BPIFC: variants seen among roughly 807,000 people sequenced by gnomAD.
BPIFC encodes the protein BPI fold-containing family C protein.
A neutral mutation model predicts 57.6 loss-of-function variants in BPIFC; 60 were observed. That is an observed-to-expected ratio of 1.04 (90% CI 0.85 to 1.29). BPIFC has a LOEUF of 1.29. Ranked by LOEUF, BPIFC falls within the 50% of genes most tolerant of loss-of-function variation. The pLI, the probability that BPIFC is intolerant of heterozygous loss-of-function variation, is 0.00. For synonymous variants in BPIFC, 243 were observed against 224.5 expected, an observed-to-expected ratio of 1.08 and a Z score of -0.74; for missense variants, 581 against 600.5, an observed-to-expected ratio of 0.97 and a Z score of 0.34.
intron 13 of BPIFC, among the ~76,000 whole-genome samples, chr22:32,426,174 G>T (rs1057338213): frequency 9.9e-5 from 15 of 152,210 alleles, no homozygotes; most frequent in African/African-American, 3.4e-4. Context: ...AGGCCATGTT[G>T]TTCTGGGGAG....
chr22:32,457,868 A>G (rs1771369847), intron 2 of BPIFC, among the ~76,000 whole-genome samples: 1 of 152,072 alleles, frequency 6.6e-6, no homozygotes, highest in South Asian at 2.1e-4. Context: ...GTCCATTAGA[A>G]CATCTGATAC....
chr22:32,447,216 G>A lies in BPIFC; in HGVS notation c.370C>T (p.Leu124Phe). The A allele has an allele frequency of 1.9e-6, 3 of 1,599,428 alleles. No individual in the cohort carries two copies. The highest frequency in any genetic ancestry group is 2.6e-6 in the Non-Finnish European group (3 of 1,173,510). The change falls in exon 5 of 17, where the codon CTT becomes TTT. Residue 124 changes from leucine (L) to phenylalanine (F), a missense_variant. By Grantham distance (22) the Leu-to-Phe change is conservative. Coordinates refer to ENST00000300399, the MANE Select transcript of BPIFC (RefSeq NM_174932.3). ...ACATTTCAGTGGAATACTCACAAAA[G>A]TGGAGACTCGAACCCCCAGTCTGTG... ...ISTDWGFESP[L>F]FQDTGGADLF... is the part of the protein sequence containing the mutation.
At chr22:32,424,639 CTTCTCTTCTTCT>C (rs1569447912) in intron 13 of BPIFC, among the ~76,000 whole-genome samples, 3 of 54,612 alleles carry the variant, frequency 5.5e-5, no homozygotes, top group East Asian at 1.3e-3. Context: ...TCTTCTTCTT[CTTCTCTTCTTCT>C]TCTTCTTCTT....
intron 3 of BPIFC, among the ~76,000 whole-genome samples, chr22:32,454,627 T>C (rs1235054420): frequency 6.6e-6 from 1 of 152,222 alleles, no homozygotes; most frequent in Non-Finnish European, 1.5e-5. Context: ...CTTTATCCCC[T>C]TATTTTGCAG....
chr22:32,461,948 C>T (rs571637812), intron 1 of BPIFC, among the ~76,000 whole-genome samples: 30 of 151,834 alleles, frequency 2.0e-4, no homozygotes, highest in Non-Finnish European at 3.7e-4. Context: ...CCAAGGTGGG[C>T]GGATCATGAG....
Position 32,457,403 on chromosome 22 carries a change from G to A in BPIFC, c.1-17C>T. On this transcript the variant is annotated splice_polypyrimidine_tract_variant and intron_variant, in intron 2 of 16. Transcript: ENST00000300399. ...TGTACACATCTGAAATTAACCAACA[G>A]TTAAGGTTCCTTTATTATTCTTGAC... 1 of 1,599,038 alleles carries A rather than the reference G, an allele frequency of 6.3e-7. No individual in the cohort carries two copies. Among genetic ancestry groups the A allele is most frequent in the Non-Finnish European group, 8.5e-7 (1 of 1,175,930 alleles).
intron 4 of BPIFC, among the ~76,000 whole-genome samples, 176 bp from the exon 5 acceptor site, chr22:32,447,516 A>C (rs1934763707): frequency 6.6e-6 from 1 of 152,094 alleles, no homozygotes; most frequent in South Asian, 2.1e-4. Flanking sequence ...AATTCTCCTC[A>C]AACTCTTACC....
intron 13 of BPIFC, among the ~76,000 whole-genome samples, chr22:32,429,641 C>T (rs1408585222): frequency 1.3e-5 from 2 of 151,294 alleles, no homozygotes; most frequent in Admixed American, 6.6e-5. Context: ...CTCAGGCTCC[C>T]GAGTAGCTGG....
intron 8 of BPIFC, among the ~76,000 whole-genome samples, chr22:32,438,817 C>CT (rs548028434): frequency 0.012 from 1,719 of 146,966 alleles, 31 homozygotes; most frequent in African/African-American, 0.039. Context: ...GCAGTTAGAA[C>CT]TTTTTTTTTT....
intron 3 of BPIFC, among the ~76,000 whole-genome samples, chr22:32,454,634 G>A (rs1951577711): frequency 6.6e-6 from 1 of 152,100 alleles, no homozygotes; most frequent in African/African-American, 2.4e-5. Flanking sequence ...CCCTTATTTT[G>A]CAGTTTAAGT....
At chr22:32,433,681 C>A (rs773222403) in intron 11 of BPIFC, 38 bp downstream of exon 11, 3 of 1,591,628 alleles carry the variant, frequency 1.9e-6, no homozygotes, top group Non-Finnish European at 2.6e-6. Context: ...TGCAATGGAG[C>A]CAAATACACT....
At chr22:32,428,912 AT>A (rs2145924659) in intron 13 of BPIFC, among the ~76,000 whole-genome samples, 1 of 152,274 alleles carries the variant, frequency 6.6e-6, no homozygotes, top group East Asian at 1.9e-4. Context: ...AAAAAACAAA[AT>A]TATATTCCCT....
chr22:32,428,423 C>G (rs564952746), intron 13 of BPIFC, among the ~76,000 whole-genome samples: 1 of 152,016 alleles, frequency 6.6e-6, no homozygotes, highest in African/African-American at 2.4e-5. Context: ...TGTGTGCCAC[C>G]CTGCCCGGCC....
At chr22:32,463,631 C>T (rs73884922) in intron 1 of BPIFC, among the ~76,000 whole-genome samples, 4,235 of 152,122 alleles carry the variant, frequency 0.028, 205 homozygotes, top group African/African-American at 0.098. Flanking sequence ...AAAACAGAGG[C>T]GCAGGTTGAA....
At chr22:32,463,307 G>A (rs531493020) in intron 1 of BPIFC, among the ~76,000 whole-genome samples, 1 of 152,274 alleles carries the variant, frequency 6.6e-6, no homozygotes, top group Admixed American at 6.5e-5. Flanking sequence ...CTAGTTGCCT[G>A]TTAAAAGGAT....
chr22:32,457,729 A>T (rs1384070572), intron 2 of BPIFC, among the ~76,000 whole-genome samples: 1 of 152,182 alleles, frequency 6.6e-6, no homozygotes, highest in Non-Finnish European at 1.5e-5. Context: ...ACAGACTAGT[A>T]GTGAATATGC....
At position 32,435,898 on chromosome 22, in the gene BPIFC, G is replaced by A. The variant is rs375362691; in HGVS notation, c.748-18C>T. 328 of 1,603,650 alleles carry A rather than the reference G, an allele frequency of 2.0e-4. No homozygotes were observed. The highest frequency in any genetic ancestry group is 2.7e-4 in the Non-Finnish European group (319 of 1,176,960). On this transcript the variant is annotated intron_variant, in intron 9 of 16. Coordinates refer to ENST00000300399, the MANE Select transcript of BPIFC (RefSeq NM_174932.3). ...AATACACCCTGTGGGAAAAGAGAGA[G>A]AAAGACCAGTGTATCAGGTGAAAAC...
chr22:32,423,115 A>G (rs1041132586), intron 13 of BPIFC, among the ~76,000 whole-genome samples: 1 of 152,206 alleles, frequency 6.6e-6, no homozygotes, highest in Non-Finnish European at 1.5e-5. Context: ...TAGGAAGATA[A>G]GGTTGGCCGG....
At chr22:32,433,635 G>A in intron 11 of BPIFC, 84 bp downstream of exon 11, 1 of 1,214,620 alleles carries the variant, frequency 8.2e-7, no homozygotes. Context: ...TATCCAAAAA[G>A]GAATACGTAG....
Sources: gnomAD v4.1 joint callset for allele counts (sites outside exome capture counted in the v4.1 genomes callset) on GRCh38, gnomAD v4.1.1 for gene constraint, MANE v1.5 for transcripts, NCBI Gene and HGNC (gene_info 2026-07-23, HGNC 2026-07-21) for gene names.